DLGAP1: variants seen among roughly 807,000 people sequenced by gnomAD.
DLGAP1 encodes disks large-associated protein 1.
In DLGAP1, 11 loss-of-function variants were observed where a neutral mutation model predicts 90.8. The ratio of observed to expected loss-of-function variants is 0.12; its 90% CI spans 0.08 to 0.20. The LOEUF is 0.20. Ranked by LOEUF, DLGAP1 falls within the 10% of genes least tolerant of loss-of-function variation. The pLI is 1.00. For synonymous variants in DLGAP1, 558 were observed against 540.7 expected (o/e 1.03, Z -0.44); for missense variants, 1,050 against 1,333.8 (o/e 0.79, Z 3.31).
chr18:3,920,352 CAAAAAA>C (rs34353326), intron 3 of DLGAP1, among the ~76,000 whole-genome samples: 1 of 75,528 alleles, frequency 1.3e-5, no homozygotes. Flanking sequence ...AGACTCTGTC[CAAAAAA>C]AAAAAAAAAA....
At chr18:3,656,993 G>A (rs1024855550) in intron 7 of DLGAP1, among the ~76,000 whole-genome samples, 15 of 152,092 alleles carry the variant, frequency 9.9e-5, no homozygotes, top group East Asian at 5.8e-4. Context: ...TGATCCGCCC[G>A]CCTCAGCCTC....
intron 4 of DLGAP1, among the ~76,000 whole-genome samples, chr18:3,862,811 T>C (rs1428406874): frequency 1.3e-5 from 2 of 152,352 alleles, no homozygotes; most frequent in Middle Eastern, 3.4e-3. Flanking sequence ...GAAGTTTTAA[T>C]GGTGGAATGA....
At chr18:3,950,952 G>A (rs1193792275) in intron 3 of DLGAP1, among the ~76,000 whole-genome samples, 1 of 152,218 alleles carries the variant, frequency 6.6e-6, no homozygotes, top group Non-Finnish European at 1.5e-5. Flanking sequence ...AAGACTGGAG[G>A]AGAGTCCAAA....
intron 1 of DLGAP1, among the ~76,000 whole-genome samples, chr18:4,366,925 A>G (rs10502325): frequency 0.13 from 20,233 of 150,804 alleles, 1,557 homozygotes; most frequent in African/African-American, 0.21. Flanking sequence ...GTTATCTCAC[A>G]GAAAAATTGA....
chr18:3,919,781 A>T (rs2072225978), intron 3 of DLGAP1, among the ~76,000 whole-genome samples: 5 of 152,252 alleles, frequency 3.3e-5, no homozygotes, highest in Admixed American at 3.3e-4. Flanking sequence ...ATGGAAGCTC[A>T]GTAAATGTGG....
intron 7 of DLGAP1, among the ~76,000 whole-genome samples, chr18:3,659,288 T>C (rs2059599413): frequency 6.6e-6 from 1 of 152,116 alleles, no homozygotes; most frequent in Non-Finnish European, 1.5e-5. Flanking sequence ...ATTAAAAAGC[T>C]ACACATAGCA....
At chr18:4,313,179 G>A (rs946961205) in intron 1 of DLGAP1, among the ~76,000 whole-genome samples, 4 of 152,162 alleles carry the variant, frequency 2.6e-5, no homozygotes, top group African/African-American at 4.8e-5. Flanking sequence ...GTCACTGCAC[G>A]AAGCTTGTAT....
At chr18:3,591,762 T>G (rs528115743) in intron 7 of DLGAP1, among the ~76,000 whole-genome samples, 136 of 134,996 alleles carry the variant, frequency 1.0e-3, no homozygotes, top group African/African-American at 3.5e-3. Context: ...GAAAGGGGGG[T>G]TTTCAATTAT....
chr18:3,958,007 C>T (rs2073116849), intron 3 of DLGAP1, among the ~76,000 whole-genome samples: 1 of 151,760 alleles, frequency 6.6e-6, no homozygotes, highest in Admixed American at 6.6e-5. Flanking sequence ...AATTCTCATG[C>T]CTCAGCCTCC....
chr18:4,198,793 T>C (rs2144790558), intron 1 of DLGAP1, among the ~76,000 whole-genome samples: 1 of 152,346 alleles, frequency 6.6e-6, no homozygotes, highest in Admixed American at 6.5e-5. Flanking sequence ...TATTACATTC[T>C]GCAGTTTTTG....
intron 2 of DLGAP1, among the ~76,000 whole-genome samples, chr18:4,085,085 T>C (rs79084556): frequency 0.017 from 2,650 of 152,248 alleles, 79 homozygotes; most frequent in African/African-American, 0.058. Context: ...TATTATTTTA[T>C]ATATACCAAA....
rs76625026 is a variant in DLGAP1 at position 3,802,229 on chromosome 18, C to T, written c.1172+11830G>A. Reference sequence around the variant, plus strand: ...TGAACTCCTGACTTTGTGATCCGCCCGCCTCGGCCTCCCAAAGTGTTGGGA... The same window carrying T: ...TGAACTCCTGACTTTGTGATCCGCCTGCCTCGGCCTCCCAAAGTGTTGGGA... On this transcript the variant is annotated intron_variant, in intron 5 of 12. Transcript: ENST00000315677. Among the ~76,000 whole-genome samples, 435 of 152,142 alleles carry T rather than the reference C, an allele frequency of 2.9e-3. 5 individuals are homozygous for T. Among genetic ancestry groups the T allele is most frequent in the African/African-American group, 9.9e-3 (412 of 41,490 alleles).
At chr18:3,724,817 A>G (rs2062102302) in intron 7 of DLGAP1, among the ~76,000 whole-genome samples, 3 of 151,664 alleles carry the variant, frequency 2.0e-5, no homozygotes, top group Admixed American at 6.6e-5. Flanking sequence ...GCTGAGGTGG[A>G]GGATCGCAGT....
intron 1 of DLGAP1, among the ~76,000 whole-genome samples, chr18:4,356,369 CTACA>C (rs1489871703): frequency 6.6e-6 from 1 of 152,162 alleles, no homozygotes; most frequent in African/African-American, 2.4e-5. Context: ...CTGCAAATCT[CTACA>C]TAGATTACCA....
intron 2 of DLGAP1, among the ~76,000 whole-genome samples, chr18:4,010,372 C>CT (rs1355992583): frequency 6.6e-6 from 1 of 152,088 alleles, no homozygotes; most frequent in Admixed American, 6.5e-5. Flanking sequence ...TGGGAAGACT[C>CT]TGTCTCTACA....
chr18:3,684,202 CTTTTT>C (rs2060621890), intron 7 of DLGAP1, among the ~76,000 whole-genome samples: 1 of 148,442 alleles, frequency 6.7e-6, no homozygotes, highest in Admixed American at 6.7e-5. Flanking sequence ...TTTTCCTTTT[CTTTTT>C]GAGACAAGGT....
chr18:3,880,680 C>T (rs2148827428), intron 3 of DLGAP1, among the ~76,000 whole-genome samples: 1 of 152,084 alleles, frequency 6.6e-6, no homozygotes, highest in East Asian at 2.0e-4. Context: ...CGGTGGCTCA[C>T]GCCTGTAATC....
chr18:4,263,023 C>T (rs955774545), intron 1 of DLGAP1, among the ~76,000 whole-genome samples: 2 of 152,010 alleles, frequency 1.3e-5, no homozygotes, highest in African/African-American at 4.8e-5. Flanking sequence ...ATCTCTGCCT[C>T]CCGTGTTCAA....
At chr18:3,561,450 AAAAAAAAAAC>A in intron 9 of DLGAP1, among the ~76,000 whole-genome samples, 1 of 142,414 alleles carries the variant, frequency 7.0e-6, no homozygotes, top group Non-Finnish European at 1.5e-5. Context: ...AAAAAAAAAA[AAAAAAAAAAC>A]AGAAAAATGA....
Sources: allele counts gnomAD v4.1 joint callset (sites outside exome capture counted in the v4.1 genomes callset), GRCh38; gene constraint gnomAD v4.1.1; transcripts MANE v1.5; gene names NCBI Gene and HGNC (gene_info 2026-07-23, HGNC 2026-07-21).